Variants in TCF4 observed in about 807,000 individuals in gnomAD.
The protein encoded by TCF4 is transcription factor 4, also known as SL3-3 enhancer factor 2.
A neutral mutation model predicts 82.1 loss-of-function variants in TCF4; 3 were observed. That is an observed-to-expected ratio of 0.04 (90% CI 0.02 to 0.09). The LOEUF is 0.09. Among genes scored for constraint, TCF4 ranks in the 10% least tolerant of loss-of-function variants. The probability of loss-of-function intolerance (pLI) is 1.00; values close to 1 mark genes in which losing one functional copy is unlikely to be tolerated. For synonymous variants in TCF4, 276 were observed against 309.6 expected (o/e 0.89, Z 1.14); for missense variants, 518 against 852.7 (o/e 0.61, Z 4.89).
At chr18:55,562,284 T>C (rs561159019) in intron 3 of TCF4, among the ~76,000 whole-genome samples, 1 of 152,346 alleles carries the variant, frequency 6.6e-6, no homozygotes, top group Non-Finnish European at 1.5e-5. Context: ...TATTCTCTAG[T>C]TCTTTACTGA....
At chr18:55,322,428 A>C in intron 8 of TCF4, 1 of 875,954 alleles carries the variant, frequency 1.1e-6, no homozygotes, top group East Asian at 7.9e-5. Flanking sequence ...GAGGGAAGAA[A>C]AAAAAAAAAA....
intron 6 of TCF4, among the ~76,000 whole-genome samples, chr18:55,385,638 TG>T (rs2092527541): frequency 6.6e-6 from 1 of 152,152 alleles, no homozygotes; most frequent in African/African-American, 2.4e-5. Flanking sequence ...TGGCCTCAGG[TG>T]ATCTGCCCGC....
chr18:55,615,485 T>C (rs942791305), intron 2 of TCF4, among the ~76,000 whole-genome samples: 1 of 151,870 alleles, frequency 6.6e-6, no homozygotes, highest in African/African-American at 2.4e-5. Flanking sequence ...AAAACAATTC[T>C]ACTCCTTCAT....
At chr18:55,590,289 C>T (rs915956335), upstream of TCF4, among the ~76,000 whole-genome samples, 31 of 152,172 alleles carry the variant, frequency 2.0e-4, no homozygotes, top group African/African-American at 7.2e-4. Flanking sequence ...TGGGAAAAGG[C>T]CTCTGGGCCA....
chr18:55,246,676 A>T (rs980266574), intron 15 of TCF4, among the ~76,000 whole-genome samples: 1 of 152,152 alleles, frequency 6.6e-6, no homozygotes, highest in African/African-American at 2.4e-5. Flanking sequence ...ATCCATGGCT[A>T]AAAGAATTTC....
intron 3 of TCF4, among the ~76,000 whole-genome samples, chr18:55,582,951 AT>A (rs1460914928): frequency 1.3e-5 from 2 of 152,170 alleles, no homozygotes; most frequent in African/African-American, 4.8e-5. Context: ...AGTATTCATG[AT>A]TTTTAAAATG....
At chr18:55,289,073 T>C (rs1239027556) in intron 8 of TCF4, among the ~76,000 whole-genome samples, 1 of 152,238 alleles carries the variant, frequency 6.6e-6, no homozygotes, top group Non-Finnish European at 1.5e-5. Context: ...ATCAGACGAA[T>C]GCCCACTGCC....
In TCF4 at chr18:55,519,433, C is replaced by CAAA. The variant is rs34106037; in HGVS notation, c.146-55299_146-55297dup. ...TGGGCAACAGAGTGAGACCCCGTCT[C>CAAA]AAAAAAAGAAAAAAAAAAAAAAAGA... On this transcript the variant is annotated intron_variant, in intron 3 of 19. Transcript: ENST00000354452. 8.4e-4 allele frequency among the ~76,000 whole-genome samples: 98 copies of CAAA among 116,752 alleles called. 1 individual carries two copies. The highest frequency in any genetic ancestry group is 3.7e-3 in the East Asian group (14 of 3,812). 76.6% of individuals were successfully genotyped at this position (116,752 alleles called of 152,430 possible).
upstream of TCF4, among the ~76,000 whole-genome samples, chr18:55,591,667 G>A (rs867282158): frequency 7.2e-5 from 11 of 152,142 alleles, no homozygotes; most frequent in East Asian, 5.8e-4. Flanking sequence ...ACAGGCATGC[G>A]TCACCCCACT....
At chr18:55,561,506 T>C (rs2097354750) in intron 3 of TCF4, among the ~76,000 whole-genome samples, 1 of 152,212 alleles carries the variant, frequency 6.6e-6, no homozygotes, top group Non-Finnish European at 1.5e-5. Context: ...CACAGTGCTA[T>C]ACGATGCAAA....
chr18:55,248,667 G>C (rs2054063916), intron 15 of TCF4, among the ~76,000 whole-genome samples: 1 of 152,218 alleles, frequency 6.6e-6, no homozygotes, highest in Non-Finnish European at 1.5e-5. Flanking sequence ...AAATGGTTAT[G>C]GTATTAGGGT....
intron 8 of TCF4, among the ~76,000 whole-genome samples, chr18:55,295,112 T>C (rs1666371972): frequency 6.6e-6 from 1 of 152,212 alleles, no homozygotes; most frequent in Non-Finnish European, 1.5e-5. Context: ...CACTGACTGC[T>C]TGAAAAACTC....
intron 5 of TCF4, among the ~76,000 whole-genome samples, chr18:55,418,912 C>CCA (rs1024712351): frequency 6.6e-6 from 1 of 151,866 alleles, no homozygotes; most frequent in Non-Finnish European, 1.5e-5. Flanking sequence ...TTACACTTGC[C>CCA]CACACACACA....
intron 5 of TCF4, among the ~76,000 whole-genome samples, chr18:55,455,455 T>C (rs975169066): frequency 6.6e-6 from 1 of 150,970 alleles, no homozygotes; most frequent in African/African-American, 2.4e-5. Context: ...TTCTCAGAAA[T>C]TACTTGTGCC....
intron 6 of TCF4, among the ~76,000 whole-genome samples, chr18:55,378,899 G>A (rs1490850559): frequency 6.6e-6 from 1 of 152,202 alleles, no homozygotes; most frequent in African/African-American, 2.4e-5. Flanking sequence ...TAGGGAACTT[G>A]GTCTTTTCAA....
chr18:55,536,575 G>T (rs776307286), intron 3 of TCF4, among the ~76,000 whole-genome samples: 7 of 152,190 alleles, frequency 4.6e-5, no homozygotes, highest in Non-Finnish European at 8.8e-5. Context: ...GATAAAAAAT[G>T]TATAGTTATT....
chr18:55,542,705 G>T (rs537054332), intron 3 of TCF4, among the ~76,000 whole-genome samples: 2 of 151,870 alleles, frequency 1.3e-5, no homozygotes, highest in East Asian at 3.9e-4. Flanking sequence ...TATTAGCACT[G>T]CAATCATGTC....
chr18:55,567,626 T>C (rs1030489625), intron 3 of TCF4, among the ~76,000 whole-genome samples: 3 of 151,966 alleles, frequency 2.0e-5, no homozygotes, highest in Non-Finnish European at 2.9e-5. Context: ...GGAAGGAGAA[T>C]TGCATGAACC....
intron 13 of TCF4, among the ~76,000 whole-genome samples, chr18:55,259,286 G>A (rs1368094405): frequency 6.6e-6 from 1 of 152,030 alleles, no homozygotes; most frequent in Non-Finnish European, 1.5e-5. Context: ...AAGGCTTTCT[G>A]GAAGCATTTA....
Sources: allele counts gnomAD v4.1 joint callset (sites outside exome capture counted in the v4.1 genomes callset), GRCh38; gene constraint gnomAD v4.1.1; transcripts MANE v1.5; gene names NCBI Gene and HGNC (gene_info 2026-07-23, HGNC 2026-07-21).